The following ADK variants were observed in gnomAD, a reference collection of about 807,000 sequenced individuals.
ADK encodes the protein adenosine kinase.
In ADK, 24 loss-of-function variants were observed where a neutral mutation model predicts 44.7. That is an observed-to-expected ratio of 0.54 (90% confidence interval 0.39 to 0.76). The LOEUF (loss-of-function observed/expected upper bound fraction) is 0.76, where lower values mean the gene tolerates loss of function less well. Among genes scored for constraint, ADK ranks in the 30% least tolerant of loss-of-function variants. The pLI, the probability that ADK is intolerant of heterozygous loss-of-function variation, is 0.00. For missense variants in ADK, 321 were observed against 425.1 expected (o/e 0.76, Z 2.15); for synonymous variants, 128 against 142.6 (o/e 0.90, Z 0.73).
intron 8 of ADK, 136 bp from the exon 9 acceptor site, chr10:74,600,243 A>C (rs1852066897): frequency 3.4e-6 from 2 of 594,796 alleles, no homozygotes; most frequent in Non-Finnish European, 6.1e-6. Flanking sequence ...GTATATGGTT[A>C]AAGAAATTTT....
chr10:74,484,790 A>G (rs1365559818), intron 6 of ADK, among the ~76,000 whole-genome samples: 1 of 152,178 alleles, frequency 6.6e-6, no homozygotes, highest in Non-Finnish European at 1.5e-5. Context: ...CATTTCCATA[A>G]GGAAATGGTT....
chr10:74,282,718 C>A (rs1440091943), intron 3 of ADK, among the ~76,000 whole-genome samples: 1 of 152,082 alleles, frequency 6.6e-6, no homozygotes, highest in Non-Finnish European at 1.5e-5. Context: ...TGAAGCTTTT[C>A]CTTGTTCCCA....
At chr10:74,658,893 C>T (rs1015121726) in intron 9 of ADK, among the ~76,000 whole-genome samples, 1 of 152,034 alleles carries the variant, frequency 6.6e-6, no homozygotes, top group Admixed American at 6.5e-5. Context: ...CACACACACA[C>T]ACACATATAT....
chr10:74,278,341 G>T, intron 3 of ADK, among the ~76,000 whole-genome samples: 1 of 130,004 alleles, frequency 7.7e-6, no homozygotes, highest in East Asian at 2.4e-4. Context: ...GTGACAGAGT[G>T]AGACCCCATC....
intron 6 of ADK, among the ~76,000 whole-genome samples, chr10:74,517,701 A>AG (rs1848649787): frequency 6.6e-6 from 1 of 151,928 alleles, no homozygotes; most frequent in Non-Finnish European, 1.5e-5. Context: ...AAAAAAAAAA[A>AG]AAAGAGTAAA....
intron 9 of ADK, among the ~76,000 whole-genome samples, chr10:74,658,928 A>G (rs911547060): frequency 6.6e-6 from 1 of 152,150 alleles, no homozygotes; most frequent in African/African-American, 2.4e-5. Context: ...ATATGTGTAT[A>G]TATATAGTCA....
At chr10:74,554,080 A>C (rs897293522) in intron 7 of ADK, among the ~76,000 whole-genome samples, 5 of 152,174 alleles carry the variant, frequency 3.3e-5, no homozygotes, top group Non-Finnish European at 4.4e-5. Context: ...TATTGAGTAA[A>C]ACCAAAGTGA....
chr10:74,703,482 G>A (rs1474399653), intron 10 of ADK, among the ~76,000 whole-genome samples: 1 of 152,060 alleles, frequency 6.6e-6, no homozygotes, highest in Non-Finnish European at 1.5e-5. Context: ...GTAAGACCCT[G>A]TCTCAAATAA....
chr10:74,636,647 A>G (rs1474603845), intron 9 of ADK, among the ~76,000 whole-genome samples: 3 of 152,244 alleles, frequency 2.0e-5, no homozygotes, highest in African/African-American at 2.4e-5. Context: ...TTCACAACAT[A>G]TGAAATGTAG....
intron 3 of ADK, among the ~76,000 whole-genome samples, chr10:74,290,744 A>G (rs900827952): frequency 1.3e-5 from 2 of 152,104 alleles, no homozygotes; most frequent in Non-Finnish European, 2.9e-5. Context: ...TTAAATGTTT[A>G]AATTTAATTT....
At chr10:74,191,166 C>T (rs757889061) in intron 1 of ADK, among the ~76,000 whole-genome samples, 32 of 151,564 alleles carry the variant, frequency 2.1e-4, no homozygotes, top group Non-Finnish European at 3.5e-4. Context: ...TTTTTAGTAG[C>T]GACGGGGTTT....
intron 4 of ADK, among the ~76,000 whole-genome samples, chr10:74,346,954 C>T (rs1189721543): frequency 2.0e-5 from 3 of 151,424 alleles, no homozygotes; most frequent in African/African-American, 7.3e-5. Context: ...ACTAAAAATA[C>T]AAAAAATTAG....
intron 6 of ADK, among the ~76,000 whole-genome samples, chr10:74,493,714 T>G (rs1028031636): frequency 3.0e-4 from 45 of 152,150 alleles, no homozygotes; most frequent in South Asian, 1.0e-3. Flanking sequence ...TAATTTTTAT[T>G]ATGCTAGTAT....
chr10:74,464,234 T>C (rs1318554014), intron 6 of ADK, among the ~76,000 whole-genome samples: 1 of 152,162 alleles, frequency 6.6e-6, no homozygotes, highest in Non-Finnish European at 1.5e-5. Context: ...GGATATCATG[T>C]GAGTGTGCTC....
chr10:74,456,401 G>A (rs551038933), intron 6 of ADK, among the ~76,000 whole-genome samples: 5 of 151,944 alleles, frequency 3.3e-5, no homozygotes, highest in South Asian at 2.1e-4. Context: ...AAGGCTGGGC[G>A]CGGTGGTTCA....
intron 1 of ADK, among the ~76,000 whole-genome samples, chr10:74,195,087 C>CA (rs1204141025): frequency 2.3e-5 from 2 of 87,844 alleles, no homozygotes; most frequent in African/African-American, 4.0e-5. Context: ...CCGCTCCCCC[C>CA]CCCAAAAAAA....
intron 6 of ADK, among the ~76,000 whole-genome samples, chr10:74,410,486 C>T (rs1328656898): frequency 6.6e-6 from 1 of 151,756 alleles, no homozygotes; most frequent in Admixed American, 6.6e-5. Flanking sequence ...CCAGCCTGGC[C>T]AAAATTTTTG....
intron 4 of ADK, among the ~76,000 whole-genome samples, chr10:74,349,950 A>G (rs1189744601): frequency 6.6e-6 from 1 of 152,192 alleles, no homozygotes; most frequent in African/African-American, 2.4e-5. Flanking sequence ...TTAGACTTCC[A>G]CACAATAATA....
chr10:74,485,070 T>C (rs1375985391), intron 6 of ADK, among the ~76,000 whole-genome samples: 1 of 152,076 alleles, frequency 6.6e-6, no homozygotes, highest in Non-Finnish European at 1.5e-5. Flanking sequence ...TGTTTATCAA[T>C]AGGTACCTTT....
Sources: allele counts gnomAD v4.1 joint callset (sites outside exome capture counted in the v4.1 genomes callset), GRCh38; gene constraint gnomAD v4.1.1; transcripts MANE v1.5; gene names NCBI Gene and HGNC (gene_info 2026-07-23, HGNC 2026-07-21).